The following STK32B variants were observed in gnomAD, a reference collection of about 807,000 sequenced individuals.
STK32B encodes serine/threonine kinase 32B.
A neutral mutation model predicts 52.6 loss-of-function variants in STK32B; 43 were observed. The observed-to-expected ratio is 0.82, with a 90% CI of 0.64 to 1.05. The LOEUF (loss-of-function observed/expected upper bound fraction) is 1.05. Among genes scored for constraint, STK32B ranks in the 50% least tolerant of loss-of-function variants. The pLI, the probability that STK32B is intolerant of heterozygous loss-of-function variation, is 0.00. For synonymous variants in STK32B, 238 were observed against 204.3 expected (o/e 1.17, Z -1.41); for missense variants, 621 against 534.6 (o/e 1.16, Z -1.59).
the STK32B span, chr4:5,019,506 G>A: frequency 4.3e-6 from 6 of 1,397,660 alleles, no homozygotes; most frequent in African/African-American, 6.1e-5. Flanking sequence ...GGGTGGTCCA[G>A]GGCGGCTCCA....
intron 1 of STK32B, among the ~76,000 whole-genome samples, chr4:5,135,583 T>G (rs1453450459): frequency 6.6e-6 from 1 of 152,236 alleles, no homozygotes; most frequent in Non-Finnish European, 1.5e-5. Context: ...TTATTTTTCC[T>G]AATATATTAA....
chr4:5,127,036 A>C, intron 1 of STK32B: 1 of 478,028 alleles, frequency 2.1e-6, no homozygotes, highest in Non-Finnish European at 4.2e-6. Flanking sequence ...CAGAATGCTC[A>C]ATGCTGAGAT....
intron 2 of STK32B, among the ~76,000 whole-genome samples, chr4:5,162,092 A>G (rs1371700907): frequency 1.3e-5 from 2 of 152,108 alleles, no homozygotes; most frequent in Non-Finnish European, 2.9e-5. Context: ...CAGGCTCACT[A>G]TGAAAGGATC....
chr4:5,490,129 G>C (rs58285617), intron 11 of STK32B, among the ~76,000 whole-genome samples: 8,384 of 145,442 alleles, frequency 0.058, 290 homozygotes, highest in African/African-American at 0.1. Flanking sequence ...TTTTTTTCTA[G>C]ACAGTCTCAC....
intron 6 of STK32B, among the ~76,000 whole-genome samples, chr4:5,426,007 G>A (rs1192669959): frequency 6.6e-6 from 1 of 152,170 alleles, no homozygotes; most frequent in Admixed American, 6.5e-5. Flanking sequence ...CATCAGTTGA[G>A]GGGCACCTGA....
intron 4 of STK32B, among the ~76,000 whole-genome samples, chr4:5,359,314 C>T (rs912506290): frequency 6.6e-6 from 1 of 152,056 alleles, no homozygotes; most frequent in Non-Finnish European, 1.5e-5. Context: ...CATTCATCCA[C>T]TCACTCATCT....
chr4:5,353,473 T>C (rs1020000819), intron 4 of STK32B, among the ~76,000 whole-genome samples: 7 of 151,716 alleles, frequency 4.6e-5, no homozygotes, highest in African/African-American at 1.7e-4. Flanking sequence ...ACATTTTGAA[T>C]GGGAGAAAAT....
chr4:5,308,509 A>G (rs532816013), intron 3 of STK32B, among the ~76,000 whole-genome samples: 3 of 152,306 alleles, frequency 2.0e-5, no homozygotes, highest in African/African-American at 7.2e-5. Context: ...TATTATAAAT[A>G]TTATAGGAGT....
intron 11 of STK32B, among the ~76,000 whole-genome samples, chr4:5,496,821 A>T (rs561412050): frequency 7.9e-5 from 12 of 151,568 alleles, no homozygotes; most frequent in African/African-American, 2.4e-4. Context: ...AAAAAAAAAC[A>T]GCATGAAGAT....
intron 9 of STK32B, among the ~76,000 whole-genome samples, chr4:5,465,702 G>A (rs1311806813): frequency 6.6e-6 from 1 of 152,184 alleles, no homozygotes; most frequent in East Asian, 1.9e-4. Flanking sequence ...GAGAGGTTAT[G>A]AATCTCCCTC....
rs1720557298 is a variant in STK32B at position 5,499,350 on chromosome 4, A to G, written c.*267A>G. On this transcript the variant is annotated 3_prime_UTR_variant, in exon 12 of 12. Coordinates refer to ENST00000282908, the MANE Select transcript of STK32B (RefSeq NM_018401.3). ...CACTTCTGCCCCACTTCAAATTACA[A>G]GATTATGGGGAGAACCCAATTAGGT... 4 of 389,708 alleles carry G rather than the reference A, an allele frequency of 1.0e-5. No homozygotes were observed. The highest frequency in any genetic ancestry group is 1.8e-5 in the Non-Finnish European group (4 of 222,516). The allele number at this position is 389,708 out of a possible 1,614,324, so 24.1% of individuals were successfully genotyped here. A position where few individuals can be genotyped will look rare whatever the true frequency, so the allele number is the denominator to read the frequency against.
intron 3 of STK32B, among the ~76,000 whole-genome samples, chr4:5,315,499 C>G (rs908924243): frequency 5.5e-5 from 8 of 145,508 alleles, no homozygotes; most frequent in African/African-American, 2.0e-4. Context: ...TTATCTAAAA[C>G]TGTATGTATG....
chr4:5,375,883 G>A (rs767072427), intron 4 of STK32B, among the ~76,000 whole-genome samples: 11 of 152,148 alleles, frequency 7.2e-5, no homozygotes, highest in Admixed American at 2.6e-4. Context: ...GATGAGGAGG[G>A]CAGGGAAGGA....
intron 3 of STK32B, among the ~76,000 whole-genome samples, chr4:5,224,404 A>AT (rs1723735370): frequency 6.6e-6 from 1 of 152,202 alleles, no homozygotes; most frequent in Non-Finnish European, 1.5e-5. Context: ...TGTTTGATGC[A>AT]TAAAAAGCTG....
rs528180951 is a variant in STK32B at position 5,067,100 on chromosome 4, G to A, written c.52+15185G>A. Among the ~76,000 whole-genome samples, 4 of 152,276 alleles carry A rather than the reference G, an allele frequency of 2.6e-5. 2 individuals carry two copies. In the South Asian group the frequency reaches 8.3e-4, roughly 32 times the overall value. ...GTTCCAGTTCCACGTGGCTGAGAAG[G>A]CCTCACAATTATGGTGGAAGGCAAA... On this transcript the variant is annotated intron_variant, in intron 1 of 11. Coordinates refer to ENST00000282908, the MANE Select transcript of STK32B (RefSeq NM_018401.3).
intron 3 of STK32B, 33 bp downstream of exon 3, chr4:5,168,483 T>C: frequency 6.3e-7 from 1 of 1,593,936 alleles, no homozygotes. Context: ...CTCCTGTGGG[T>C]TCCCCTGTGG....
chr4:5,260,837 A>G (rs1400548455), intron 3 of STK32B, among the ~76,000 whole-genome samples: 1 of 152,188 alleles, frequency 6.6e-6, no homozygotes, highest in African/African-American at 2.4e-5. Context: ...GGAAGGCAAC[A>G]GAAAGGAAGG....
At chr4:5,383,310 C>G (rs1577423366) in intron 4 of STK32B, among the ~76,000 whole-genome samples, 2 of 152,194 alleles carry the variant, frequency 1.3e-5, no homozygotes, top group East Asian at 3.9e-4. Flanking sequence ...ACTGAACATG[C>G]CTGGCTCCTG....
intron 6 of STK32B, among the ~76,000 whole-genome samples, chr4:5,427,412 A>T (rs1418437276): frequency 6.6e-6 from 1 of 152,182 alleles, no homozygotes; most frequent in Non-Finnish European, 1.5e-5. Context: ...AACGTAGTTG[A>T]GAAGTGTTTC....
Sources: gnomAD v4.1 joint callset for allele counts (sites outside exome capture counted in the v4.1 genomes callset) on GRCh38, gnomAD v4.1.1 for gene constraint, MANE v1.5 for transcripts, NCBI Gene and HGNC (gene_info 2026-07-23, HGNC 2026-07-21) for gene names.